Variants in CP observed in about 807,000 individuals in gnomAD.
CP encodes ceruloplasmin.
A neutral mutation model predicts 122.4 loss-of-function variants in CP; 64 were observed. The ratio of observed to expected loss-of-function variants is 0.52; its 90% confidence interval spans 0.43 to 0.64. The LOEUF (loss-of-function observed/expected upper bound fraction) is 0.64, where lower values mean the gene tolerates loss of function less well. Ranked by LOEUF, CP falls within the 30% of genes least tolerant of loss-of-function variation. The probability of loss-of-function intolerance (pLI) is 0.00; values close to 1 mark genes in which losing one functional copy is unlikely to be tolerated. For missense variants in CP, 1,167 were observed against 1,284.4 expected, an observed-to-expected ratio of 0.91 and a Z score of 1.40; for synonymous variants, 440 against 436.4, an observed-to-expected ratio of 1.01 and a Z score of -0.10.
In CP at chr3:149,212,583, C is replaced by T. The variant is rs752698862; in HGVS notation, c.262G>A (p.Val88Ile). The change falls in exon 2 of 19, where the codon GTC (valine) becomes ATC (isoleucine). Residue 88 changes from valine (V) to isoleucine (I), a missense_variant. Physicochemically the swap from Val to Ile is conservative, Grantham distance 29. Transcript: ENST00000264613. The part of the protein sequence containing the change: ...ETFRTTIEKP[V>I]WLGFLGPIIK... ...ATAGGGCCTAAAAACCCAAGCCAGA[C>T]CGGTTTTTCTATAGTTGTCCTAAAG... is the stretch of plus-strand genomic sequence containing the variant. 1.9e-6 allele frequency: 3 copies of T among 1,613,992 alleles called. No individual in the cohort carries two copies. Among genetic ancestry groups the T allele is most frequent in the Non-Finnish European group, 2.5e-6 (3 of 1,179,958 alleles).
At chr3:149,165,938 G>A in intron 5 of CP, 1 of 447,164 alleles carries the variant, frequency 2.2e-6, no homozygotes, top group Non-Finnish European at 4.5e-6. Context: ...GGAAGAAAAG[G>A]TACCAACCTT....
Position 149,186,689 on chromosome 3 carries a change from C to T in CP, c.1908G>A (p.Met636Ile), listed in dbSNP as rs2108240139. The change falls in exon 11 of 19, where the codon ATG becomes ATA. Residue 636 changes from methionine (M) to isoleucine (I), a missense_variant. Physicochemically the swap from Met to Ile is conservative, Grantham distance 10. Coordinates refer to ENST00000264613, the MANE Select transcript of CP (RefSeq NM_000096.4). ...ACCACACGACCGAATCTCCTTTGCACATAGTGAGACCCGGCTGATTCCCAT... is the reference window on the plus strand; with the variant it reads ...ACCACACGACCGAATCTCCTTTGCATATAGTGAGACCCGGCTGATTCCCAT... The part of the protein sequence containing the change: ...FMYGNQPGLT[M>I]CKGDSVVWYL... The T allele has an allele frequency of 6.2e-7, 1 of 1,614,180 alleles. No homozygotes were observed. Among genetic ancestry groups the T allele is most frequent in the Non-Finnish European group, 8.5e-7 (1 of 1,180,024 alleles).
chr3:149,162,971 C>CTGGTAATAGAAAACTAGGT, intron 5 of CP: 1 of 1,087,704 alleles, frequency 9.2e-7, no homozygotes, highest in Non-Finnish European at 1.4e-6. Flanking sequence ...AAAATCTAAC[C>CTGGTAATAGAAAACTAGGT]TAGTTTTCTA....
rs576419870 is a variant in CP at position 149,207,106 on chromosome 3, G to C, written c.1036+257C>G. On this transcript the variant is annotated intron_variant, in intron 5 of 18. Coordinates refer to ENST00000264613, the MANE Select transcript of CP (RefSeq NM_000096.4). ...CAACACTGGTATATTTTACAAAGCT[G>C]AGTAAGTATATATAGTACTATACTT... Among the ~76,000 whole-genome samples, 25 of 152,238 alleles carry C rather than the reference G, an allele frequency of 1.6e-4. 1 individual carries two copies. In the South Asian group the frequency reaches 5.0e-3, roughly 30 times the overall value.
In CP at chr3:149,200,677, C is replaced by CTTTT. The variant is rs760942815; in HGVS notation, c.1349-817_1349-814dup. ...CCACCACGCCATTCTCATTTTTGTA[C>CTTTT]TTTTTTTTTTTTTAGTAGAGATGGG... On this transcript the variant is annotated intron_variant, in intron 7 of 18. Transcript: ENST00000264613. Among the ~76,000 whole-genome samples, 83 of 142,330 alleles carry CTTTT rather than the reference C, an allele frequency of 5.8e-4. 1 individual carries two copies. Among genetic ancestry groups the CTTTT allele is most frequent in the African/African-American group, 2.1e-3 (82 of 39,072 alleles). The allele number at this position is 142,330 out of a possible 152,430, so 93.4% of individuals were successfully genotyped here. A position where few individuals can be genotyped will look rare whatever the true frequency, so the allele number is the denominator to read the frequency against.
chr3:149,171,698 C>CT (rs1170000443), downstream of CP, among the ~76,000 whole-genome samples: 5,260 of 118,252 alleles, frequency 0.044, 240 homozygotes, highest in African/African-American at 0.061. Context: ...GAACTGGCTT[C>CT]TTTTTTTTTT....
chr3:149,166,015 T>C, exon 5 of CP: 1 of 456,268 alleles, frequency 2.2e-6, no homozygotes, highest in South Asian at 1.6e-5. Flanking sequence ...ATTGGGTAGA[T>C]CACATTCCAT....
rs545501611 is a variant in CP, at chr3:149,187,462, A to T, written c.1864+590T>A. On this transcript the variant is annotated intron_variant, in intron 10 of 18. Coordinates refer to ENST00000264613, the MANE Select transcript of CP (RefSeq NM_000096.4). ...CTTTTTAGAATTACACTAGGTATTT[A>T]AAAAAATCTGGTATTAGACTTAAAT... Among the ~76,000 whole-genome samples, 24 of 152,294 alleles carry T rather than the reference A, an allele frequency of 1.6e-4. No individual in the cohort carries two copies. The South Asian group carries it at 1.9e-3, about 12-fold the overall frequency.
intron 2 of CP, among the ~76,000 whole-genome samples, chr3:149,211,533 T>A (rs1728097702): frequency 6.6e-6 from 1 of 152,202 alleles, no homozygotes; most frequent in Non-Finnish European, 1.5e-5. Context: ...CACCAAACCT[T>A]ATCTTTGTTT....
At chr3:149,219,134 G>C (rs917852229) in intron 1 of CP, among the ~76,000 whole-genome samples, 1 of 152,162 alleles carries the variant, frequency 6.6e-6, no homozygotes, top group African/African-American at 2.4e-5. Flanking sequence ...TCACTGGTAA[G>C]ATATATGGGG....
intron 5 of CP, chr3:149,163,908 T>G: frequency 1.3e-6 from 2 of 1,579,840 alleles, no homozygotes; most frequent in South Asian, 2.2e-5. Context: ...ATCTGATTCT[T>G]TAGCTGATAA....
chr3:149,209,306 C>G lies in CP; in HGVS notation c.686G>C (p.Ser229Thr), dbSNP rs1169458315. ...TTTAATGTTGTCTTCTAGGTACCAG[C>G]TGAAATTTTCATCCACCACAGAAAA... Reference protein sequence around the residue: ...VMFSVVDENFSWYLEDNIKTY... With the variant: ...VMFSVVDENFTWYLEDNIKTY... The change falls in exon 4 of 19, where the codon AGC (serine) becomes ACC (threonine). Residue 229 changes from serine to threonine, a missense_variant. Physicochemically the swap from Ser to Thr is moderately conservative, Grantham distance 58. Transcript: ENST00000264613. 6.2e-7 allele frequency: 1 copy of G among 1,613,678 alleles called. No individual in the cohort carries two copies. The highest frequency in any genetic ancestry group is 8.5e-7 in the Non-Finnish European group (1 of 1,179,802).
chr3:149,188,488 T>TC (rs1474794904), intron 9 of CP, among the ~76,000 whole-genome samples: 9 of 10,222 alleles, frequency 8.8e-4, no homozygotes, highest in African/African-American at 2.7e-3. Context: ...AATTGAAGCC[T>TC]CCAAAAAAAA....
At chr3:149,171,828 C>T (rs1725019439), downstream of CP, among the ~76,000 whole-genome samples, 1 of 151,842 alleles carries the variant, frequency 6.6e-6, no homozygotes, top group Admixed American at 6.6e-5. Flanking sequence ...CCTCAGCCTC[C>T]TGAGTAGCTA....
chr3:149,193,269 C>A (rs1726667072), intron 9 of CP, among the ~76,000 whole-genome samples: 1 of 152,064 alleles, frequency 6.6e-6, no homozygotes, highest in Non-Finnish European at 1.5e-5. Context: ...TGGGCATATC[C>A]TACTGTTTAG....
intron 7 of CP, 47 bp from the exon 8 acceptor site, chr3:149,199,911 C>T: frequency 1.9e-6 from 3 of 1,575,566 alleles, no homozygotes; most frequent in Admixed American, 1.7e-5. Context: ...ATGTAACATG[C>T]AGAATGTATA....
rs754342666 is a variant in CP, at chr3:149,198,515, G to A, written c.1565C>T (p.Pro522Leu). The A allele has an allele frequency of 1.9e-6, 3 of 1,614,124 alleles. No homozygotes were observed. Among genetic ancestry groups the A allele is most frequent in the East Asian group, 2.2e-5 (1 of 44,880 alleles). ...TETFTYEWTV[P>L]KEVGPTNADP... ...TGCATTAGTGGGTCCTACTTCTTTGGGGACAGTCCATTCATAGGTGAATGT... is the reference window on the plus strand; with the variant it reads ...TGCATTAGTGGGTCCTACTTCTTTGAGGACAGTCCATTCATAGGTGAATGT... The change falls in exon 9 of 19, where the codon CCC (proline) becomes CTC (leucine). Residue 522 changes from proline to leucine, a missense_variant. Pro to Leu is a moderately conservative substitution (Grantham distance 98). Transcript: ENST00000264613.
chr3:149,210,360 G>T lies in CP; in HGVS notation c.414C>A (p.Asn138Lys), dbSNP rs757785679. The change falls in exon 3 of 19, where the codon AAC becomes AAA. Residue 138 changes from asparagine (N) to lysine (K), a missense_variant. Coordinates refer to ENST00000264613, the MANE Select transcript of CP (RefSeq NM_000096.4). ...CATCTGCTCTTTGAAAATCTGTGGTGTTATCAGGGTAGATGGCCCCTAGGA... is the reference window on the plus strand; with the variant it reads ...CATCTGCTCTTTGAAAATCTGTGGTTTTATCAGGGTAGATGGCCCCTAGGA... The part of the protein sequence containing the change: ...KEHEGAIYPD[N>K]TTDFQRADDK... 6.2e-7 allele frequency: 1 copy of T among 1,614,042 alleles called. No individual in the cohort carries two copies. The highest frequency in any genetic ancestry group is 1.1e-5 in the South Asian group (1 of 91,082).
intron 1 of CP, among the ~76,000 whole-genome samples, chr3:149,214,855 T>C (rs1249575768): frequency 6.6e-6 from 1 of 152,048 alleles, no homozygotes; most frequent in Non-Finnish European, 1.5e-5. Flanking sequence ...AAGCAGAGAG[T>C]CATTCAGTCC....
Sources: gnomAD v4.1 joint callset for allele counts (sites outside exome capture counted in the v4.1 genomes callset) on GRCh38, gnomAD v4.1.1 for gene constraint, MANE v1.5 for transcripts, NCBI Gene and HGNC (gene_info 2026-07-23, HGNC 2026-07-21) for gene names.